Variants in CREBRF observed in about 807,000 individuals in gnomAD.
The protein encoded by CREBRF is UPF0474 protein C5orf41.
Under a neutral mutation model 66.1 loss-of-function variants are expected in CREBRF, and 5 were observed. The ratio of observed to expected loss-of-function variants is 0.08; its 90% CI spans 0.04 to 0.16. CREBRF has a LOEUF of 0.16. Among genes scored for constraint, CREBRF ranks in the 10% least tolerant of loss-of-function variants. The pLI, the probability that CREBRF is intolerant of heterozygous loss-of-function variation, is 1.00. For synonymous variants in CREBRF, 229 were observed against 264.4 expected, an observed-to-expected ratio of 0.87 and a Z score of 1.30; for missense variants, 531 against 744.9, an observed-to-expected ratio of 0.71 and a Z score of 3.34.
intron 7 of CREBRF, among the ~76,000 whole-genome samples, chr5:173,120,274 C>T (rs1434212365): frequency 6.6e-6 from 1 of 151,842 alleles, no homozygotes; most frequent in African/African-American, 2.4e-5. Context: ...TTAAAACCTT[C>T]TGGGTTCTTT....
At chr5:173,100,483 G>A (rs1006122064) in intron 4 of CREBRF, among the ~76,000 whole-genome samples, 1 of 151,212 alleles carries the variant, frequency 6.6e-6, no homozygotes, top group African/African-American at 2.4e-5. Flanking sequence ...GGAGTGCAGT[G>A]GCGTGATCTC....
rs1171997219 is a variant in CREBRF at position 173,138,191 on chromosome 5, A to G, written c.*4446A>G. 6.6e-6 allele frequency: 1 copy of G among 152,128 alleles called. No individual in the cohort carries two copies. The highest frequency in any genetic ancestry group is 2.4e-5 in the African/African-American group (1 of 41,428). 9.4% of individuals were successfully genotyped at this position (152,128 alleles called of 1,614,324 possible). A position where few individuals can be genotyped will look rare whatever the true frequency, so the allele number is the denominator to read the frequency against. On this transcript the variant is annotated 3_prime_UTR_variant, in exon 9 of 9. Coordinates refer to ENST00000296953, the MANE Select transcript of CREBRF (RefSeq NM_153607.3). The stretch of plus-strand genomic sequence containing the variant: ...TGTGGATTCTTTTGTAATCTTTGTA[A>G]TCTTAATAAGGGCATTATGAGAAGA...
At position 173,138,126 on chromosome 5, in the gene CREBRF, T is replaced by G. The variant is rs898406402; in HGVS notation, c.*4381T>G. 11 of 152,200 alleles carry G rather than the reference T, an allele frequency of 7.2e-5. No individual in the cohort carries two copies. The highest frequency in any genetic ancestry group is 1.6e-4 in the Non-Finnish European group (11 of 68,010). 9.4% of individuals were successfully genotyped at this position (152,200 alleles called of 1,614,324 possible). A position where few individuals can be genotyped will look rare whatever the true frequency, so the allele number is the denominator to read the frequency against. On this transcript the variant is annotated 3_prime_UTR_variant, in exon 9 of 9. Transcript: ENST00000296953. ...CAGAACTGCAGTCTTGTTCTTCCCT[T>G]GGATCATGACAAATAAGTCTCACAC...
At chr5:173,101,573 G>A (rs1266742266) in intron 4 of CREBRF, among the ~76,000 whole-genome samples, 4 of 148,854 alleles carry the variant, frequency 2.7e-5, no homozygotes, top group East Asian at 2.0e-4. Flanking sequence ...TTTTTAAGAC[G>A]AAGTCTTGCC....
chr5:173,069,681 A>G (rs1757542555), intron 1 of CREBRF, among the ~76,000 whole-genome samples: 1 of 152,080 alleles, frequency 6.6e-6, no homozygotes. Flanking sequence ...TGTTCCTCAT[A>G]AAGCAAGCTT....
At chr5:173,098,231 A>G (rs1202094441) in intron 4 of CREBRF, among the ~76,000 whole-genome samples, 3 of 142,204 alleles carry the variant, frequency 2.1e-5, no homozygotes, top group East Asian at 2.0e-4. Context: ...TCTGTCACCC[A>G]GGCTGGAGCG....
intron 1 of CREBRF, among the ~76,000 whole-genome samples, chr5:173,070,058 C>A (rs868055622): frequency 9.9e-5 from 15 of 152,102 alleles, no homozygotes; most frequent in Admixed American, 2.6e-4. Flanking sequence ...CCACGCCTAA[C>A]TAATTTTTGT....
chr5:173,073,339 C>A (rs1021451117), intron 1 of CREBRF, among the ~76,000 whole-genome samples: 2 of 152,132 alleles, frequency 1.3e-5, no homozygotes, highest in African/African-American at 2.4e-5. Flanking sequence ...ACTATATTAC[C>A]TAGATGTTTT....
At position 173,077,935 on chromosome 5, in the gene CREBRF, A is replaced by T. The variant is rs538733490; in HGVS notation, c.-191-2650A>T. On this transcript the variant is annotated intron_variant, in intron 1 of 8. Transcript: ENST00000296953. ...TCATGGCTGAATAATATTCTGTTGTATTTGCCATATTTTGTTGATCCATTC... is the reference window on the plus strand; with the variant it reads ...TCATGGCTGAATAATATTCTGTTGTTTTTGCCATATTTTGTTGATCCATTC... Among the ~76,000 whole-genome samples, 5 of 152,006 alleles carry T rather than the reference A, an allele frequency of 3.3e-5. No homozygotes were observed. In the South Asian group the frequency reaches 1.0e-3, roughly 32 times the overall value.
At chr5:173,129,474 C>T (rs1388314115) in intron 8 of CREBRF, among the ~76,000 whole-genome samples, 2 of 151,988 alleles carry the variant, frequency 1.3e-5, no homozygotes, top group Admixed American at 1.3e-4. Context: ...ATAATCTCAA[C>T]ATTTTGGGAG....
chr5:173,109,913 G>T (rs918255360), intron 5 of CREBRF: 3 of 154,034 alleles, frequency 1.9e-5, no homozygotes, highest in East Asian at 3.8e-4. Flanking sequence ...TGAATACTAG[G>T]AAAGTTGTAG....
At chr5:173,112,276 A>C (rs1392753024) in intron 6 of CREBRF, 30 bp from the exon 7 acceptor site, 1 of 1,480,004 alleles carries the variant, frequency 6.8e-7, no homozygotes, top group Non-Finnish European at 9.2e-7. Context: ...AAGAAAAAGA[A>C]AGTGAACTAA....
chr5:173,082,673 C>T (rs907124849), intron 2 of CREBRF, among the ~76,000 whole-genome samples: 1 of 151,110 alleles, frequency 6.6e-6, no homozygotes, highest in Non-Finnish European at 1.5e-5. Context: ...TTTGGGAGGC[C>T]AAGGTGGGCG....
At chr5:173,080,810 G>C in intron 2 of CREBRF, 26 bp downstream of exon 2, 10 of 1,609,708 alleles carry the variant, frequency 6.2e-6, no homozygotes, top group Non-Finnish European at 7.6e-6. Flanking sequence ...TAGGTGCAAA[G>C]TTTTTTATTT....
intron 7 of CREBRF, among the ~76,000 whole-genome samples, chr5:173,116,479 AAT>A (rs1466123340): frequency 6.6e-6 from 1 of 152,190 alleles, no homozygotes; most frequent in Non-Finnish European, 1.5e-5. Context: ...ATGGAATCAC[AAT>A]ATGTTTACAT....
intron 7 of CREBRF, 79 bp downstream of exon 7, chr5:173,112,458 T>C: frequency 9.7e-7 from 1 of 1,034,630 alleles, no homozygotes; most frequent in South Asian, 1.5e-5. Flanking sequence ...GTTTGTGATT[T>C]GCTTTCGCTG....
chr5:173,101,502 CTGTT>C (rs35172519), intron 4 of CREBRF, among the ~76,000 whole-genome samples: 10,533 of 151,694 alleles, frequency 0.069, 472 homozygotes, highest in Non-Finnish European at 0.1. Context: ...TTTCAAAAGT[CTGTT>C]TGTCTTTGAC....
At chr5:173,074,813 G>T (rs1757712108) in intron 1 of CREBRF, among the ~76,000 whole-genome samples, 1 of 152,044 alleles carries the variant, frequency 6.6e-6, no homozygotes, top group South Asian at 2.1e-4. Context: ...AGTAGAGGGG[G>T]TTTCGCCATG....
At chr5:173,099,348 GTC>G (rs972913765) in intron 4 of CREBRF, among the ~76,000 whole-genome samples, 1 of 152,058 alleles carries the variant, frequency 6.6e-6, no homozygotes, top group African/African-American at 2.4e-5. Flanking sequence ...TAGAGATGAG[GTC>G]TCCCTATGTT....
Sources: gnomAD v4.1 joint callset for allele counts (sites outside exome capture counted in the v4.1 genomes callset) on GRCh38, gnomAD v4.1.1 for gene constraint, MANE v1.5 for transcripts, NCBI Gene and HGNC (gene_info 2026-07-23, HGNC 2026-07-21) for gene names.